PARP4: variants seen among roughly 807,000 people sequenced by gnomAD.
The protein encoded by PARP4 is protein mono-ADP-ribosyltransferase PARP4.
PARP4 carries 120 observed loss-of-function variants against 187.7 expected under a neutral mutation model. That is an observed-to-expected ratio of 0.64 (90% confidence interval 0.55 to 0.74). PARP4 has a LOEUF of 0.74. Among genes scored for constraint, PARP4 ranks in the 30% least tolerant of loss-of-function variants. The pLI is 0.00. For missense variants in PARP4, 1,836 were observed against 2,070.5 expected (o/e 0.89, Z 2.20); for synonymous variants, 654 against 740.9 (o/e 0.88, Z 1.90).
intron 32 of PARP4, among the ~76,000 whole-genome samples, chr13:24,427,005 T>C (rs1269194897): frequency 6.6e-6 from 1 of 151,006 alleles, no homozygotes; most frequent in Non-Finnish European, 1.5e-5. Context: ...GCTGTTTAAA[T>C]AAAAAATGAG....
At chr13:24,435,655 G>A (rs1186529985) in intron 30 of PARP4, among the ~76,000 whole-genome samples, 181 bp from the exon 31 acceptor site, 2 of 152,204 alleles carry the variant, frequency 1.3e-5, no homozygotes, top group African/African-American at 2.4e-5. Context: ...AGCAGCTCAC[G>A]CGTGTCATCT....
chr13:24,492,467 T>C lies in PARP4; in HGVS notation c.1007A>G (p.Lys336Arg), dbSNP rs750448758. The C allele has an allele frequency of 6.2e-6, 10 of 1,614,146 alleles. No homozygotes were observed. The highest frequency in any genetic ancestry group is 2.2e-5 in the South Asian group (2 of 91,086). Residue 336 changes from lysine (K) to arginine (R), a missense_variant, in exon 9 of 34, where the codon AAA (lysine) becomes AGA (arginine). Coordinates refer to ENST00000381989, the MANE Select transcript of PARP4 (RefSeq NM_006437.4). ...RLIPHKGTMP[K>R]EVNLGLLAKK... is the part of the protein sequence containing the mutation. ...AGCCAATAGTCCCAGGTTCACTTCT[T>C]TGGGCATTGTGCCTTTGTGAGGTAT...
intron 1 of PARP4, among the ~76,000 whole-genome samples, chr13:24,509,462 A>C (rs1226691698): frequency 1.3e-5 from 2 of 151,714 alleles, no homozygotes; most frequent in Admixed American, 1.3e-4. Flanking sequence ...AGCTGTGATC[A>C]TGCCACTGCA....
In PARP4 at chr13:24,498,185, C is replaced by A. The variant is rs755913409; in HGVS notation, c.522G>T (p.Gln174His). 1.8e-5 allele frequency: 29 copies of A among 1,613,676 alleles called. No individual in the cohort carries two copies. Among genetic ancestry groups the A allele is most frequent in the Non-Finnish European group, 2.0e-5 (24 of 1,180,004 alleles). Residue 174 changes from glutamine (Q) to histidine (H), a missense_variant, in exon 6 of 34, where the codon CAG becomes CAT. By Grantham distance (24) the Gln-to-His change is conservative. Coordinates refer to ENST00000381989, the MANE Select transcript of PARP4 (RefSeq NM_006437.4). ...GGQEAVVVEL[Q>H]CSRDSRDCPF... ...GACAGTCCCTGGAGTCCCGCGAACA[C>A]TGAAGCTCCACCACCACAGCTTCCT...
chr13:24,502,685 T>A (rs1366063406), intron 2 of PARP4, among the ~76,000 whole-genome samples: 1 of 152,258 alleles, frequency 6.6e-6, no homozygotes, highest in Non-Finnish European at 1.5e-5. Context: ...TGTGACTTTC[T>A]AAAAAGGAGA....
intron 12 of PARP4, among the ~76,000 whole-genome samples, chr13:24,478,937 TA>T (rs1445060012): frequency 6.6e-6 from 1 of 152,164 alleles, no homozygotes; most frequent in African/African-American, 2.4e-5. Context: ...TAGGAAAAAG[TA>T]GATTTAATTC....
At chr13:24,509,413 G>A (rs988866234) in intron 1 of PARP4, among the ~76,000 whole-genome samples, 1 of 151,812 alleles carries the variant, frequency 6.6e-6, no homozygotes, top group Non-Finnish European at 1.5e-5. Flanking sequence ...AGACTTAGGT[G>A]GGAGGATCAC....
chr13:24,499,945 C>T lies in PARP4; in HGVS notation c.401+371G>A, dbSNP rs1163649985. 3.3e-5 allele frequency among the ~76,000 whole-genome samples: 5 copies of T among 152,102 alleles called. No homozygotes were observed. In the East Asian group the frequency reaches 9.7e-4, roughly 29 times the overall value. On this transcript the variant is annotated intron_variant, in intron 4 of 33. Transcript: ENST00000381989. Reference sequence around the variant, plus strand: ...ACTCCCATACTCCATTTGAGGAAGGCTGTTGTTATTTCCATTTTTGAAAAC... The same window carrying T: ...ACTCCCATACTCCATTTGAGGAAGGTTGTTGTTATTTCCATTTTTGAAAAC...
At chr13:24,512,229 C>G (rs750594664) in intron 1 of PARP4, among the ~76,000 whole-genome samples, 1 of 152,206 alleles carries the variant, frequency 6.6e-6, no homozygotes, top group Admixed American at 6.5e-5. Flanking sequence ...CAACTTTGGA[C>G]CTCAACAAAC....
chr13:24,449,384 T>C (rs1209053957), intron 25 of PARP4, among the ~76,000 whole-genome samples: 14 of 31,322 alleles, frequency 4.5e-4, no homozygotes, highest in African/African-American at 1.2e-3. Flanking sequence ...CAAGACTCTG[T>C]CTCAAAAAAA....
chr13:24,435,131 G>T lies in PARP4; in HGVS notation c.4010C>A (p.Ala1337Asp). 6.2e-7 allele frequency: 1 copy of T among 1,614,208 alleles called. No individual in the cohort carries two copies. The highest frequency in any genetic ancestry group is 8.5e-7 in the Non-Finnish European group (1 of 1,180,036). ...LPPTARAHSP[A>D]SLSFASYRQV... The stretch of plus-strand genomic sequence containing the variant: ...ACGATATGAGGCAAAAGACAAGGAA[G>T]CAGGACTGTGAGCGCGGGCAGTCGG... The change falls in exon 31 of 34, where the codon GCT becomes GAT. Residue 1337 changes from alanine to aspartate, a missense_variant. Around this residue, in one of 8 missense-constraint regions of PARP4, gnomAD observed 450 missense variants for 439.2 expected, o/e 1.02. Transcript: ENST00000381989.
At chr13:24,476,893 G>A (rs1477879656) in intron 14 of PARP4, among the ~76,000 whole-genome samples, 1 of 152,146 alleles carries the variant, frequency 6.6e-6, no homozygotes, top group Admixed American at 6.5e-5. Context: ...CAGCAATTCT[G>A]TCATGCGGGT....
At chr13:24,489,558 G>A (rs1250265257) in intron 10 of PARP4, among the ~76,000 whole-genome samples, 8 of 152,156 alleles carry the variant, frequency 5.3e-5, no homozygotes, top group Admixed American at 2.0e-4. Flanking sequence ...GCAGTGAGCC[G>A]AGATCGCGTC....
At position 24,459,122 on chromosome 13, in the gene PARP4, G is replaced by A. The variant is rs1663495985; in HGVS notation, c.2346C>T (p.Ser782=). 5 of 1,602,700 alleles carry A rather than the reference G, an allele frequency of 3.1e-6. No individual in the cohort carries two copies. Among genetic ancestry groups the A allele is most frequent in the Non-Finnish European group, 4.3e-6 (5 of 1,173,166 alleles). The change falls in exon 20 of 34, where the codon AGC becomes AGT. Residue 782 remains serine, a splice_region_variant and synonymous_variant. Transcript: ENST00000381989. ...ICIKEIGTKQ[S]FSLTMSIEMP... is the part of the protein sequence containing the mutation. The stretch of plus-strand genomic sequence containing the variant: ...TCTCAATAGACATAGTCAAAGAGAA[G>A]CTAGCAAAAATGAAGAGAAAGTTGT...
chr13:24,423,189 T>C (rs951413007), intron 33 of PARP4, among the ~76,000 whole-genome samples: 2 of 152,230 alleles, frequency 1.3e-5, no homozygotes, highest in African/African-American at 4.8e-5. Context: ...AAGTGTTTTT[T>C]CTTTGATATT....
intron 17 of PARP4, among the ~76,000 whole-genome samples, chr13:24,463,506 T>C (rs767783267): frequency 6.6e-6 from 1 of 152,106 alleles, no homozygotes; most frequent in Non-Finnish European, 1.5e-5. Context: ...TGCTTTAAAA[T>C]ATAGTTGATC....
intron 24 of PARP4, among the ~76,000 whole-genome samples, chr13:24,451,522 T>C (rs988116750): frequency 6.6e-6 from 1 of 151,904 alleles, no homozygotes; most frequent in African/African-American, 2.4e-5. Flanking sequence ...CAGAGGGGCA[T>C]TGGGGGTGCT....
At chr13:24,435,562 C>T in intron 30 of PARP4, 88 bp from the exon 31 acceptor site, 1 of 1,368,536 alleles carries the variant, frequency 7.3e-7, no homozygotes, top group Non-Finnish European at 9.8e-7. Context: ...CACTTGACTT[C>T]CCACCCATCA....
In PARP4 at chr13:24,426,515, C is replaced by G; in HGVS notation, c.4930G>C (p.Gly1644Arg). Reference protein sequence around the residue: ...QFIRTRLEKEGIVFKSLMKMD... With the variant: ...QFIRTRLEKERIVFKSLMKMD... ...TTCATCAGTGATTTGAACACTATTC[C>G]CTCTTTTTCCAACCTGGTGCGAATA... is the stretch of plus-strand genomic sequence containing the variant. The change falls in exon 33 of 34, where the codon GGA becomes CGA. Residue 1644 changes from glycine (G) to arginine (R), a missense_variant. Physicochemically the swap from Gly to Arg is moderately radical, Grantham distance 125. Around this residue, in one of 8 missense-constraint regions of PARP4, gnomAD observed 45 missense variants for 53.1 expected, o/e 0.85. Coordinates refer to ENST00000381989, the MANE Select transcript of PARP4 (RefSeq NM_006437.4). 1 of 1,612,044 alleles carries G rather than the reference C, an allele frequency of 6.2e-7. No individual in the cohort carries two copies. Among genetic ancestry groups the G allele is most frequent in the Non-Finnish European group, 8.5e-7 (1 of 1,178,796 alleles).
Sources: allele counts gnomAD v4.1 joint callset (sites outside exome capture counted in the v4.1 genomes callset), GRCh38; gene constraint gnomAD v4.1.1; regional missense constraint gnomAD v4.1.1; transcripts MANE v1.5; gene names NCBI Gene and HGNC (gene_info 2026-07-23, HGNC 2026-07-21).